Variants in AGBL1 observed in about 807,000 individuals in gnomAD.
AGBL1 encodes the protein AGBL carboxypeptidase 1, also known as cytosolic carboxypeptidase 4.
AGBL1 carries 130 observed loss-of-function variants against 118.9 expected under a neutral mutation model. That is an observed-to-expected ratio of 1.09 (90% CI 0.95 to 1.26). The LOEUF is 1.26. Ranked by LOEUF, AGBL1 falls within the 50% of genes most tolerant of loss-of-function variation. AGBL1 has a pLI of 0.00. For synonymous variants in AGBL1, 555 were observed against 478.9 expected (o/e 1.16, Z -2.08); for missense variants, 1,584 against 1,298.1 (o/e 1.22, Z -3.38).
chr15:86,341,376 A>T (rs1228226027), intron 17 of AGBL1, among the ~76,000 whole-genome samples: 1 of 84,074 alleles, frequency 1.2e-5, no homozygotes, highest in Non-Finnish European at 3.1e-5. Context: ...AGGATGTAGG[A>T]GGCAAAACAA....
At chr15:86,590,865 G>T (rs1054255056) in intron 21 of AGBL1, among the ~76,000 whole-genome samples, 2 of 152,106 alleles carry the variant, frequency 1.3e-5, no homozygotes, top group African/African-American at 4.8e-5. Context: ...AATATATTCT[G>T]GTGTAAAACA....
At chr15:86,628,418 A>G (rs1447824747) in intron 21 of AGBL1, among the ~76,000 whole-genome samples, 1 of 152,188 alleles carries the variant, frequency 6.6e-6, no homozygotes, top group Non-Finnish European at 1.5e-5. Context: ...TGAGGGTCTT[A>G]CCTAGAACAT....
chr15:86,971,921 T>C (rs902732015), intron 23 of AGBL1, among the ~76,000 whole-genome samples: 1 of 151,906 alleles, frequency 6.6e-6, no homozygotes, highest in African/African-American at 2.4e-5. Context: ...TATAAGGGGC[T>C]CTTCCCACTT....
intron 3 of AGBL1, among the ~76,000 whole-genome samples, chr15:86,147,239 G>T (rs4887324): frequency 0.49 from 74,652 of 151,794 alleles, 18,569 homozygotes; most frequent in South Asian, 0.59. Flanking sequence ...CTGAGGTACC[G>T]GGTTCATCTC....
At chr15:86,440,511 T>TAATAATAAC (rs1260737618) in intron 18 of AGBL1, among the ~76,000 whole-genome samples, 3 of 151,030 alleles carry the variant, frequency 2.0e-5, no homozygotes, top group African/African-American at 4.9e-5. Flanking sequence ...ATAATAATAA[T>TAATAATAAC]AACAGTTAAT....
intron 17 of AGBL1, among the ~76,000 whole-genome samples, chr15:86,375,431 C>T (rs889051931): frequency 3.3e-5 from 5 of 152,082 alleles, no homozygotes; most frequent in Non-Finnish European, 5.9e-5. Flanking sequence ...ATCCAGTCAC[C>T]CCCCCACCAG....
At chr15:86,159,216 C>T (rs1159483955) in intron 5 of AGBL1, among the ~76,000 whole-genome samples, 190 bp downstream of exon 5, 1 of 152,108 alleles carries the variant, frequency 6.6e-6, no homozygotes, top group Non-Finnish European at 1.5e-5. Context: ...CTCTAATTCT[C>T]ATCAAAACCC....
At chr15:86,762,778 T>C (rs1350491437) in intron 22 of AGBL1, among the ~76,000 whole-genome samples, 2 of 152,026 alleles carry the variant, frequency 1.3e-5, no homozygotes, top group African/African-American at 4.8e-5. Flanking sequence ...ATTCTTTGAT[T>C]CCAACTCAAA....
chr15:86,523,951 A>G (rs909872258), intron 19 of AGBL1, among the ~76,000 whole-genome samples: 2 of 152,200 alleles, frequency 1.3e-5, no homozygotes, highest in Admixed American at 6.5e-5. Context: ...CAGAGTCCTT[A>G]CCTAACCTAA....
chr15:86,732,303 A>T (rs2141217953), intron 22 of AGBL1, among the ~76,000 whole-genome samples: 1 of 152,328 alleles, frequency 6.6e-6, no homozygotes, highest in Non-Finnish European at 1.5e-5. Flanking sequence ...CCAGCGTTAT[A>T]GGTTTTATTA....
chr15:86,706,273 GA>G (rs1165904910), intron 22 of AGBL1, among the ~76,000 whole-genome samples: 1 of 151,658 alleles, frequency 6.6e-6, no homozygotes, highest in African/African-American at 2.4e-5. Context: ...AAAATATTTT[GA>G]AAAATCCCAA....
intron 23 of AGBL1, among the ~76,000 whole-genome samples, chr15:86,936,202 C>A (rs910772804): frequency 1.5e-4 from 22 of 151,388 alleles, no homozygotes; most frequent in African/African-American, 4.6e-4. Context: ...GAATGGACAA[C>A]AAATGCATTG....
At chr15:86,332,396 C>T (rs955178624) in intron 17 of AGBL1, among the ~76,000 whole-genome samples, 10 of 152,128 alleles carry the variant, frequency 6.6e-5, no homozygotes, top group African/African-American at 1.2e-4. Context: ...CCTGTAATCC[C>T]AGCACTTTGG....
At position 86,165,866 on chromosome 15, in the gene AGBL1, T is replaced by G. The variant is rs375422269; in HGVS notation, c.488+6840T>G. On this transcript the variant is annotated intron_variant, in intron 5 of 22. Transcript: ENST00000614907. ...CCATGAGCTCAAGTTACTAGCAGAG[T>G]TATTATTGCATCTGCAACCTGACTC... 1.8e-3 allele frequency among the ~76,000 whole-genome samples: 271 copies of G among 152,220 alleles called. 4 individuals carry two copies. In the South Asian group the frequency reaches 0.051, roughly 29 times the overall value.
At chr15:86,186,551 G>C (rs1222175985) in intron 5 of AGBL1, among the ~76,000 whole-genome samples, 1 of 152,154 alleles carries the variant, frequency 6.6e-6, no homozygotes, top group Non-Finnish European at 1.5e-5. Flanking sequence ...AGTGTTAAAC[G>C]TGAGGGCAAA....
chr15:86,168,732 T>A (rs1597486506), intron 5 of AGBL1, among the ~76,000 whole-genome samples: 1 of 152,268 alleles, frequency 6.6e-6, no homozygotes, highest in African/African-American at 2.4e-5. Context: ...TAATCTACAT[T>A]CCCAGCAGCA....
At chr15:86,601,006 A>G (rs2084484514) in intron 21 of AGBL1, among the ~76,000 whole-genome samples, 1 of 152,070 alleles carries the variant, frequency 6.6e-6, no homozygotes, top group African/African-American at 2.4e-5. Flanking sequence ...AATTTCTTCA[A>G]ACTTCTCTTT....
intron 22 of AGBL1, among the ~76,000 whole-genome samples, chr15:86,851,943 A>G (rs1371014204): frequency 6.6e-6 from 1 of 151,988 alleles, no homozygotes; most frequent in African/African-American, 2.4e-5. Context: ...TTTATTTTTT[A>G]TTGTTTAGTT....
rs570874170 is a variant in AGBL1 at position 86,089,140 on chromosome 15, G to A, written c.51+9117G>A. Among the ~76,000 whole-genome samples, 6 of 152,304 alleles carry A rather than the reference G, an allele frequency of 3.9e-5. No individual in the cohort carries two copies. In the South Asian group the frequency reaches 1.2e-3, roughly 32 times the overall value. The stretch of plus-strand genomic sequence containing the variant: ...ATTTCATAGGACATTAGGGATCCAT[G>A]GAACACATTTGGCAAATAATGGTTT... On this transcript the variant is annotated intron_variant, in intron 1 of 22. Transcript: ENST00000614907.
Sources: allele counts gnomAD v4.1 joint callset (sites outside exome capture counted in the v4.1 genomes callset), GRCh38; gene constraint gnomAD v4.1.1; transcripts MANE v1.5; gene names NCBI Gene and HGNC (gene_info 2026-07-23, HGNC 2026-07-21).